NPHS1: variants seen among roughly 807,000 people sequenced by gnomAD.
NPHS1 encodes the protein NPHS1 adhesion molecule, nephrin.
A neutral mutation model predicts 139.7 loss-of-function variants in NPHS1; 107 were observed. That is an observed-to-expected ratio of 0.77 (90% confidence interval 0.66 to 0.90). The LOEUF (loss-of-function observed/expected upper bound fraction) is 0.90, where lower values mean the gene tolerates loss of function less well. Among genes scored for constraint, NPHS1 ranks in the 40% least tolerant of loss-of-function variants. The probability of loss-of-function intolerance (pLI) is 0.00; values close to 1 mark genes in which losing one functional copy is unlikely to be tolerated. For missense variants in NPHS1, 1,580 were observed against 1,654.2 expected (o/e 0.96, Z 0.78); for synonymous variants, 707 against 706.6 (o/e 1.00, Z -0.01).
In NPHS1 at chr19:35,848,113, C is replaced by G. The variant is rs141962470; in HGVS notation, c.1368G>C (p.Arg456=). Reference sequence around the variant, plus strand: ...ACACCAGCCTCACCCGGGTCCCAGCCCGGAGCTTCTGGCCCTCTGGGGGAC... The same window carrying G: ...ACACCAGCCTCACCCGGGTCCCAGCGCGGAGCTTCTGGCCCTCTGGGGGAC... ...IEGPPEGQKL[R]AGTRVRLVCL... The change falls in exon 11 of 29, where the codon CGG becomes CGC. Residue 456 remains arginine, a synonymous_variant. Coordinates refer to ENST00000378910, the MANE Select transcript of NPHS1 (RefSeq NM_004646.4). 6 of 1,614,064 alleles carry G rather than the reference C, an allele frequency of 3.7e-6. No individual in the cohort carries two copies. The East Asian group carries it at 8.9e-5, about 24-fold the overall frequency.
intron 1 of NPHS1, 40 bp downstream of exon 1, chr19:35,851,740 G>A: frequency 1.3e-6 from 2 of 1,558,624 alleles, no homozygotes. Context: ...GGGAAATGGG[G>A]GCCACTTGGC....
At chr19:35,833,847 C>T (rs1972916485) in intron 23 of NPHS1, among the ~76,000 whole-genome samples, 1 of 152,124 alleles carries the variant, frequency 6.6e-6, no homozygotes, top group Non-Finnish European at 1.5e-5. Flanking sequence ...CAGGCATGCA[C>T]TGCCATGCCT....
intron 20 of NPHS1, 131 bp downstream of exon 20, chr19:35,841,584 G>T: frequency 9.6e-7 from 1 of 1,043,058 alleles, no homozygotes; most frequent in Non-Finnish European, 1.5e-6. Flanking sequence ...TTCAGGGCAG[G>T]CAAAAACTCC....
In NPHS1 at chr19:35,849,578, G is replaced by C; in HGVS notation, c.684C>G (p.Ile228Met). ...EASSPALEAP[I>M]KASFTVNVLF... is the part of the protein sequence containing the mutation. Reference sequence around the variant, plus strand: ...GAACATTCACGGTGAATGAGGCCTTGATGGGGGCCTCCAGTGCTGGGCTAG... The same window carrying C: ...GAACATTCACGGTGAATGAGGCCTTCATGGGGGCCTCCAGTGCTGGGCTAG... The change falls in exon 6 of 29, where the codon ATC becomes ATG. Residue 228 changes from isoleucine (I) to methionine (M), a missense_variant. Physicochemically the swap from Ile to Met is conservative, Grantham distance 10. Coordinates refer to ENST00000378910, the MANE Select transcript of NPHS1 (RefSeq NM_004646.4). 1 of 1,613,840 alleles carries C rather than the reference G, an allele frequency of 6.2e-7. No homozygotes were observed. Among genetic ancestry groups the C allele is most frequent in the Non-Finnish European group, 8.5e-7 (1 of 1,179,756 alleles).
intron 22 of NPHS1, among the ~76,000 whole-genome samples, chr19:35,837,953 A>AAAAC (rs1001833643): frequency 2.0e-5 from 3 of 151,158 alleles, no homozygotes; most frequent in African/African-American, 7.3e-5. Context: ...AAAAAAAAAA[A>AAAAC]AAAAAAACGA....
Position 35,852,117 on chromosome 19 carries a change from C to T in NPHS1, c.-280G>A, listed in dbSNP as rs1180097537. Among the ~76,000 whole-genome samples the T allele has an allele frequency of 2.8e-4, 38 of 136,092 alleles. 1 individual carries two copies. Among genetic ancestry groups the T allele is most frequent in the African/African-American group, 9.3e-4 (33 of 35,362 alleles). 89.3% of individuals were successfully genotyped at this position (136,092 alleles called of 152,430 possible). ...TTTTTCTTTTTTTTTTTTTTAGAGA[C>T]GGGGTCTCACTATGTTGGCCAGGTT... is the stretch of plus-strand genomic sequence containing the variant. On this transcript the variant is annotated 5_prime_UTR_variant, in exon 1 of 29. Coordinates refer to ENST00000378910, the MANE Select transcript of NPHS1 (RefSeq NM_004646.4).
rs1165200644 is a variant in NPHS1, at chr19:35,825,778, A to G, written c.*736T>C. The stretch of plus-strand genomic sequence containing the variant: ...GATAACTGTCGGAAATAATAAAATA[A>G]TAGGTAGGATGCAACATGGATTCAT... On this transcript the variant is annotated 3_prime_UTR_variant, in exon 29 of 29. Coordinates refer to ENST00000378910, the MANE Select transcript of NPHS1 (RefSeq NM_004646.4). Among the ~76,000 whole-genome samples the G allele has an allele frequency of 6.6e-6, 1 of 152,200 alleles. No individual in the cohort carries two copies. The highest frequency in any genetic ancestry group is 1.5e-5 in the Non-Finnish European group (1 of 68,040).
At chr19:35,833,926 G>T (rs970785968) in intron 23 of NPHS1, among the ~76,000 whole-genome samples, 1 of 152,012 alleles carries the variant, frequency 6.6e-6, no homozygotes, top group African/African-American at 2.4e-5. Context: ...TGTCTCCAAC[G>T]TCTGGGCTCA....
chr19:35,850,243 T>A, intron 5 of NPHS1, 121 bp downstream of exon 5: 1 of 776,906 alleles, frequency 1.3e-6, no homozygotes, highest in Non-Finnish European at 2.3e-6. Flanking sequence ...AGAGTCAGGA[T>A]GAAGAATTGG....
intron 23 of NPHS1, among the ~76,000 whole-genome samples, chr19:35,834,524 G>A (rs1972927504): frequency 1.3e-5 from 2 of 152,002 alleles, no homozygotes; most frequent in South Asian, 2.1e-4. Context: ...CATGGAGTGA[G>A]CTAATTCTTA....
chr19:35,833,783 A>G (rs1234542429), intron 23 of NPHS1, among the ~76,000 whole-genome samples: 2 of 151,582 alleles, frequency 1.3e-5, no homozygotes, highest in Non-Finnish European at 2.9e-5. Context: ...TGAAGGCTCA[A>G]CCTCCTGGGC....
At chr19:35,834,822 T>C (rs765886345) in intron 23 of NPHS1, among the ~76,000 whole-genome samples, 6 of 149,576 alleles carry the variant, frequency 4.0e-5, no homozygotes, top group Non-Finnish European at 5.9e-5. Context: ...GAGGTGGAGA[T>C]AGCAGTCAGC....
chr19:35,842,433 C>T lies in NPHS1; in HGVS notation c.2452G>A (p.Val818Met), dbSNP rs770035563. ...LAQAGAYQCI[V>M]DNGVAPPARR... is the part of the protein sequence containing the mutation. ...GCTGGAGGCGCCACCCCATTGTCCA[C>T]AATGCACTGGTAAGCGCCAGCCTGG... The change falls in exon 18 of 29, where the codon GTG becomes ATG. Residue 818 changes from valine (V) to methionine (M), a missense_variant. Transcript: ENST00000378910. 2 of 1,614,080 alleles carry T rather than the reference C, an allele frequency of 1.2e-6. No individual in the cohort carries two copies. Among genetic ancestry groups the T allele is most frequent in the Admixed American group, 3.3e-5 (2 of 60,006 alleles).
intron 5 of NPHS1, 31 bp downstream of exon 5, chr19:35,850,333 C>G (rs770552222): frequency 3.8e-6 from 6 of 1,590,924 alleles, no homozygotes; most frequent in Non-Finnish European, 5.2e-6. Flanking sequence ...AATTAGGGGT[C>G]AAGGTTGGGG....
intron 23 of NPHS1, 110 bp downstream of exon 23, chr19:35,835,595 C>T: frequency 9.8e-7 from 1 of 1,023,012 alleles, no homozygotes. Context: ...TGAGCTTGGC[C>T]AGAACTAAGT....
rs746294899 is a variant in NPHS1, at chr19:35,831,194, C to A, written c.3388-48G>T. The A allele has an allele frequency of 3.7e-6, 6 of 1,609,796 alleles. No homozygotes were observed. The Admixed American group carries it at 8.3e-5, about 22-fold the overall frequency. On this transcript the variant is annotated intron_variant, in intron 26 of 28. Coordinates refer to ENST00000378910, the MANE Select transcript of NPHS1 (RefSeq NM_004646.4). ...ACAAAGCCCTTTCCATCCTCTGACC[C>A]CACTGTGCCCGGAAGGGCAATGATC...
chr19:35,825,812 CTTA>C lies in NPHS1; in HGVS notation c.*699_*701del, dbSNP rs1210629130. On this transcript the variant is annotated 3_prime_UTR_variant, in exon 29 of 29. Coordinates refer to ENST00000378910, the MANE Select transcript of NPHS1 (RefSeq NM_004646.4). Reference sequence around the variant, plus strand: ...ATGCAACATGGATTCATAAATTCCACTTATTATTAGCTATTTCAGACGTCATGG... The same window carrying C: ...ATGCAACATGGATTCATAAATTCCACTTATTAGCTATTTCAGACGTCATGG... Among the ~76,000 whole-genome samples, 1 of 152,150 alleles carries C rather than the reference CTTA, an allele frequency of 6.6e-6. No homozygotes were observed. Among genetic ancestry groups the C allele is most frequent in the African/African-American group, 2.4e-5 (1 of 41,436 alleles).
At chr19:35,851,152 G>A (rs1407070893) in intron 3 of NPHS1, 63 bp from the exon 4 acceptor site, 4 of 1,613,332 alleles carry the variant, frequency 2.5e-6, no homozygotes, top group Admixed American at 1.7e-5. Flanking sequence ...ATTGGAGTTC[G>A]GTACCCAGAG....
chr19:35,850,719 C>T (rs1973230410), intron 4 of NPHS1, among the ~76,000 whole-genome samples: 1 of 152,176 alleles, frequency 6.6e-6, no homozygotes, highest in Admixed American at 6.5e-5. Flanking sequence ...TCTGCACCAG[C>T]GCTACTGCCC....
Sources: gnomAD v4.1 joint callset for allele counts (sites outside exome capture counted in the v4.1 genomes callset) on GRCh38, gnomAD v4.1.1 for gene constraint, MANE v1.5 for transcripts, NCBI Gene and HGNC (gene_info 2026-07-23, HGNC 2026-07-21) for gene names.